Variants in LRRK1 observed in about 807,000 individuals in gnomAD.
LRRK1 encodes the protein leucine-rich repeat serine/threonine-protein kinase 1.
In LRRK1, 113 loss-of-function variants were observed where a neutral mutation model predicts 209.1. The observed-to-expected ratio is 0.54, with a 90% CI of 0.46 to 0.63. The LOEUF (loss-of-function observed/expected upper bound fraction) is 0.63, where lower values mean the gene tolerates loss of function less well. Among genes scored for constraint, LRRK1 ranks in the 30% least tolerant of loss-of-function variants. The probability of loss-of-function intolerance (pLI) is 0.00; values close to 1 mark genes in which losing one functional copy is unlikely to be tolerated. For missense variants in LRRK1, 2,284 were observed against 2,632.2 expected (o/e 0.87, Z 2.89); for synonymous variants, 1,144 against 1,099.7 (o/e 1.04, Z -0.80).
At chr15:101,031,366 A>G (rs1213734010) in intron 20 of LRRK1, among the ~76,000 whole-genome samples, 3 of 152,164 alleles carry the variant, frequency 2.0e-5, no homozygotes, top group Admixed American at 1.3e-4. Context: ...GTCACGCAAT[A>G]TGGTCTCTAA....
chr15:101,069,703 T>C lies in LRRK1; in HGVS notation c.*855T>C, dbSNP rs2036715769. 2 of 152,650 alleles carry C rather than the reference T, an allele frequency of 1.3e-5. No individual in the cohort carries two copies. Among genetic ancestry groups the C allele is most frequent in the Admixed American group, 1.3e-4 (2 of 15,280 alleles). The allele number at this position is 152,650 out of a possible 1,614,324, so 9.5% of individuals were successfully genotyped here. A position where few individuals can be genotyped will look rare whatever the true frequency, so the allele number is the denominator to read the frequency against. ...TTGTTTATCACTTTAAAAAATTCAG[T>C]AATATCTCAGCAGTCAGGCTTCTGG... On this transcript the variant is annotated 3_prime_UTR_variant, in exon 34 of 34. Coordinates refer to ENST00000388948, the MANE Select transcript of LRRK1 (RefSeq NM_024652.6).
chr15:101,009,662 A>T (rs1442147038), intron 7 of LRRK1, among the ~76,000 whole-genome samples: 2 of 152,144 alleles, frequency 1.3e-5, no homozygotes, highest in African/African-American at 4.8e-5. Flanking sequence ...ATCTCGGCTC[A>T]TGGCAACCTG....
At position 101,055,088 on chromosome 15, in the gene LRRK1, C is replaced by T; in HGVS notation, c.4197C>T (p.Val1399=). 6.2e-7 allele frequency: 1 copy of T among 1,614,182 alleles called. No individual in the cohort carries two copies. The highest frequency in any genetic ancestry group is 8.5e-7 in the Non-Finnish European group (1 of 1,180,016). Residue 1399 remains valine, a synonymous_variant, in exon 27 of 34, where the codon GTC becomes GTT. Transcript: ENST00000388948. ...SDNILVWSLD[V]KEHINIKLSD... Reference sequence around the variant, plus strand: ...ACATTCTGGTGTGGTCCCTTGACGTCAAGGAGCACATCAACATCAAGCTAT... The same window carrying T: ...ACATTCTGGTGTGGTCCCTTGACGTTAAGGAGCACATCAACATCAAGCTAT...
chr15:100,999,265 A>G (rs963764477), intron 6 of LRRK1, among the ~76,000 whole-genome samples: 1 of 152,242 alleles, frequency 6.6e-6, no homozygotes, highest in Non-Finnish European at 1.5e-5. Context: ...AAAAAGTACA[A>G]TGTTGCTTTT....
At chr15:100,929,915 T>C (rs1193406379) in intron 2 of LRRK1, among the ~76,000 whole-genome samples, 3 of 152,204 alleles carry the variant, frequency 2.0e-5, no homozygotes, top group South Asian at 4.1e-4. Context: ...TGTGCGTCCA[T>C]CCATGCAGGT....
chr15:100,969,546 A>T (rs2030721198), intron 2 of LRRK1, among the ~76,000 whole-genome samples: 1 of 152,168 alleles, frequency 6.6e-6, no homozygotes, highest in Non-Finnish European at 1.5e-5. Context: ...CTTGTTTGTT[A>T]CATAGGTAAA....
intron 20 of LRRK1, among the ~76,000 whole-genome samples, chr15:101,034,076 G>C (rs181523594): frequency 6.6e-6 from 1 of 152,102 alleles, no homozygotes; most frequent in African/African-American, 2.4e-5. Flanking sequence ...TTTGAAAAAT[G>C]TCTATTCATG....
chr15:100,956,461 T>TTTTCTTTTTC (rs1596195744), intron 2 of LRRK1, among the ~76,000 whole-genome samples: 1 of 5,206 alleles, frequency 1.9e-4, no homozygotes, highest in South Asian at 3.5e-3. Context: ...TTTTCTTTTT[T>TTTTCTTTTTC]TTTTTTTTTT....
At chr15:101,067,366 T>G (rs1272802448) in intron 33 of LRRK1, 1 of 446,644 alleles carries the variant, frequency 2.2e-6, no homozygotes, top group East Asian at 7.1e-5. Context: ...CACCCCGCAC[T>G]TTGACTACCG....
At chr15:101,043,610 A>ATGTGTGTGTGTGTG (rs71456883) in intron 20 of LRRK1, 1 of 150,610 alleles carries the variant, frequency 6.6e-6, no homozygotes, top group East Asian at 2.0e-4. Context: ...CGTATTTATA[A>ATGTGTGTGTGTGTG]TGTGTGTGTG....
intron 3 of LRRK1, among the ~76,000 whole-genome samples, chr15:100,976,036 G>A (rs2031274831): frequency 1.3e-5 from 2 of 152,058 alleles, no homozygotes; most frequent in South Asian, 2.1e-4. Context: ...AACATAATAA[G>A]AGAATGTATT....
intron 2 of LRRK1, among the ~76,000 whole-genome samples, chr15:100,936,914 A>T (rs570619354): frequency 4.8e-4 from 73 of 152,340 alleles, no homozygotes; most frequent in Middle Eastern, 6.8e-3. Context: ...ATACTATGCC[A>T]GTCTTTTTGC....
At chr15:100,969,549 T>C (rs578118891) in intron 2 of LRRK1, among the ~76,000 whole-genome samples, 12 of 152,290 alleles carry the variant, frequency 7.9e-5, no homozygotes, top group African/African-American at 2.9e-4. Context: ...GTTTGTTACA[T>C]AGGTAAACAT....
In LRRK1 at chr15:101,070,152, C is replaced by CCACA. The variant is rs2036739432; in HGVS notation, c.*1304_*1305insCACA. ...CTTTTGAGCGCTTATGACCACAGCA[C>CCACA]GGGCTCAGTCCCTCCCAGACCCACT... On this transcript the variant is annotated 3_prime_UTR_variant, in exon 34 of 34. Coordinates refer to ENST00000388948, the MANE Select transcript of LRRK1 (RefSeq NM_024652.6). 6.6e-6 allele frequency: 1 copy of CCACA among 152,154 alleles called. No individual in the cohort carries two copies. Among genetic ancestry groups the CCACA allele is most frequent in the African/African-American group, 2.4e-5 (1 of 41,426 alleles). The allele number at this position is 152,154 out of a possible 1,614,324, so 9.4% of individuals were successfully genotyped here. A position where few individuals can be genotyped will look rare whatever the true frequency, so the allele number is the denominator to read the frequency against.
intron 2 of LRRK1, among the ~76,000 whole-genome samples, chr15:100,936,100 G>A (rs1309054682): frequency 6.6e-6 from 1 of 152,192 alleles, no homozygotes; most frequent in Non-Finnish European, 1.5e-5. Flanking sequence ...AGAGGAGCAG[G>A]CTTTGATACG....
chr15:101,032,287 C>CT (rs201198621), intron 20 of LRRK1, among the ~76,000 whole-genome samples: 31 of 148,810 alleles, frequency 2.1e-4, no homozygotes, highest in East Asian at 3.9e-4. Context: ...GATACAAGTT[C>CT]TTTTTTTTTT....
chr15:101,054,751 G>A (rs1347653013), intron 26 of LRRK1, among the ~76,000 whole-genome samples, 195 bp from the exon 27 acceptor site: 2 of 152,154 alleles, frequency 1.3e-5, no homozygotes, highest in Non-Finnish European at 2.9e-5. Flanking sequence ...GGCAGAGGTT[G>A]CAGTGAGCCA....
intron 3 of LRRK1, among the ~76,000 whole-genome samples, chr15:100,980,822 A>T (rs2031557428): frequency 6.6e-6 from 1 of 152,228 alleles, no homozygotes; most frequent in South Asian, 2.1e-4. Flanking sequence ...ACTAGAAGGA[A>T]CAAAGAGGGC....
At chr15:101,019,710 T>C (rs1290485241) in intron 12 of LRRK1, among the ~76,000 whole-genome samples, 1 of 152,202 alleles carries the variant, frequency 6.6e-6, no homozygotes, top group African/African-American at 2.4e-5. Context: ...CTATTTTCCA[T>C]GTCTGGCAGG....
Sources: gnomAD v4.1 joint callset for allele counts (sites outside exome capture counted in the v4.1 genomes callset) on GRCh38, gnomAD v4.1.1 for gene constraint, MANE v1.5 for transcripts, NCBI Gene and HGNC (gene_info 2026-07-23, HGNC 2026-07-21) for gene names.